The following ARHGAP42 variants were observed in gnomAD, a reference collection of about 807,000 sequenced individuals.
ARHGAP42 encodes the protein Rho GTPase activating protein 42.
ARHGAP42 carries 63 observed loss-of-function variants against 125.0 expected under a neutral mutation model. The observed-to-expected ratio is 0.50, with a 90% CI of 0.41 to 0.62. The LOEUF is 0.62. Ranked by LOEUF, ARHGAP42 falls within the 20% of genes least tolerant of loss-of-function variation. ARHGAP42 has a pLI of 0.00. For synonymous variants in ARHGAP42, 339 were observed against 351.0 expected, an observed-to-expected ratio of 0.97 and a Z score of 0.38; for missense variants, 766 against 1,024.2, an observed-to-expected ratio of 0.75 and a Z score of 3.44.
chr11:100,819,543 T>A (rs184685549), intron 3 of ARHGAP42, among the ~76,000 whole-genome samples: 45 of 152,274 alleles, frequency 3.0e-4, no homozygotes, highest in Admixed American at 7.9e-4. Context: ...GGTACCATAG[T>A]GATTAAGAGC....
intron 1 of ARHGAP42, among the ~76,000 whole-genome samples, chr11:100,705,977 C>CTTT (rs34731514): frequency 7.6e-4 from 85 of 112,056 alleles, no homozygotes; most frequent in Non-Finnish European, 9.0e-4. Context: ...AGTTAAGTAA[C>CTTT]TTTTTTTTTT....
chr11:100,740,598 T>C (rs1239599164), intron 1 of ARHGAP42, among the ~76,000 whole-genome samples: 1 of 152,150 alleles, frequency 6.6e-6, no homozygotes, highest in Non-Finnish European at 1.5e-5. Context: ...GAGAATGGAA[T>C]GTGTAGAGGA....
At chr11:100,760,565 G>A (rs1248691654) in intron 1 of ARHGAP42, among the ~76,000 whole-genome samples, 2 of 152,034 alleles carry the variant, frequency 1.3e-5, no homozygotes, top group Non-Finnish European at 2.9e-5. Context: ...GCCGGGTGTG[G>A]TGGCGGGCTC....
chr11:100,974,314 C>A, intron 18 of ARHGAP42, 145 bp from the exon 19 acceptor site: 1 of 705,400 alleles, frequency 1.4e-6, no homozygotes, highest in Non-Finnish European at 2.2e-6. Context: ...TGAAAGAATA[C>A]TCCAGATAAA....
At chr11:100,797,950 T>A (rs1277181677) in intron 3 of ARHGAP42, among the ~76,000 whole-genome samples, 2 of 152,216 alleles carry the variant, frequency 1.3e-5, no homozygotes, top group African/African-American at 4.8e-5. Context: ...AGAAGTTGAT[T>A]CCAGCCCTCA....
chr11:100,878,080 T>C (rs892079760), intron 4 of ARHGAP42, among the ~76,000 whole-genome samples: 4 of 151,576 alleles, frequency 2.6e-5, no homozygotes, highest in Non-Finnish European at 4.4e-5. Context: ...AATATGGGAA[T>C]GCCTGGCACA....
intron 4 of ARHGAP42, among the ~76,000 whole-genome samples, chr11:100,898,822 T>G (rs1015934575): frequency 6.6e-6 from 1 of 152,016 alleles, no homozygotes; most frequent in Non-Finnish European, 1.5e-5. Flanking sequence ...TTTTGAAGGG[T>G]TTTTCATGTC....
At chr11:100,938,934 T>C (rs949580449) in intron 8 of ARHGAP42, among the ~76,000 whole-genome samples, 1 of 152,052 alleles carries the variant, frequency 6.6e-6, no homozygotes, top group Admixed American at 6.6e-5. Flanking sequence ...TTTTATTCTG[T>C]AGTTGAAAAT....
At chr11:100,800,690 A>G (rs1213899952) in intron 3 of ARHGAP42, among the ~76,000 whole-genome samples, 1 of 152,212 alleles carries the variant, frequency 6.6e-6, no homozygotes, top group Non-Finnish European at 1.5e-5. Context: ...CAGGGAAGAA[A>G]TTCTGCTTTC....
At chr11:100,927,023 A>G (rs751938872) in intron 6 of ARHGAP42, among the ~76,000 whole-genome samples, 8 of 152,208 alleles carry the variant, frequency 5.3e-5, no homozygotes, top group Non-Finnish European at 1.2e-4. Flanking sequence ...TATATAAGCT[A>G]AAATATAGTG....
intron 6 of ARHGAP42, among the ~76,000 whole-genome samples, chr11:100,929,226 G>T (rs1022280959): frequency 6.6e-6 from 1 of 152,012 alleles, no homozygotes; most frequent in African/African-American, 2.4e-5. Flanking sequence ...TCCCTCGCAG[G>T]CACAGTTCAC....
chr11:100,974,215 G>C (rs146235885), intron 18 of ARHGAP42, among the ~76,000 whole-genome samples: 8 of 152,180 alleles, frequency 5.3e-5, no homozygotes, highest in African/African-American at 1.9e-4. Flanking sequence ...AATATGTCTT[G>C]TTCATATTTG....
At chr11:100,880,147 G>A (rs1049305604) in intron 4 of ARHGAP42, among the ~76,000 whole-genome samples, 1 of 152,106 alleles carries the variant, frequency 6.6e-6, no homozygotes, top group African/African-American at 2.4e-5. Flanking sequence ...GGTGGTGTTT[G>A]GTTACATGAG....
At chr11:100,778,563 G>A (rs1028343473) in intron 2 of ARHGAP42, among the ~76,000 whole-genome samples, 1 of 147,656 alleles carries the variant, frequency 6.8e-6, no homozygotes, top group African/African-American at 2.5e-5. Flanking sequence ...TTGTTTTCCT[G>A]TTTTTTTTTT....
chr11:100,835,385 T>C (rs1414437282), intron 3 of ARHGAP42, among the ~76,000 whole-genome samples: 1 of 152,180 alleles, frequency 6.6e-6, no homozygotes. Flanking sequence ...AAACTTAAAG[T>C]CCTAAGGTGT....
intron 17 of ARHGAP42, among the ~76,000 whole-genome samples, chr11:100,966,321 G>A (rs1425988176): frequency 6.6e-6 from 1 of 152,132 alleles, no homozygotes; most frequent in Non-Finnish European, 1.5e-5. Context: ...AAGCAATAGT[G>A]TGTGTGTACA....
At chr11:100,748,465 G>C (rs1394891242) in intron 1 of ARHGAP42, among the ~76,000 whole-genome samples, 1 of 152,180 alleles carries the variant, frequency 6.6e-6, no homozygotes, top group Admixed American at 6.5e-5. Context: ...AAACCTGCTG[G>C]GTAAGGGAAT....
intron 1 of ARHGAP42, among the ~76,000 whole-genome samples, chr11:100,756,847 T>A (rs1349086761): frequency 6.6e-6 from 1 of 152,226 alleles, no homozygotes; most frequent in Admixed American, 6.5e-5. Context: ...AGTGCATACA[T>A]GTTAATGGCT....
chr11:100,992,912 C>G lies in ARHGAP42; in HGVS notation c.*4111C>G, dbSNP rs983754842. 1 of 527,520 alleles carries G rather than the reference C, an allele frequency of 1.9e-6. No homozygotes were observed. 32.7% of individuals were successfully genotyped at this position (527,520 alleles called of 1,614,324 possible). On this transcript the variant is annotated 3_prime_UTR_variant, in exon 24 of 24. Coordinates refer to ENST00000298815, the MANE Select transcript of ARHGAP42 (RefSeq NM_152432.4). ...CCCATCATTCCTTTTCCCCTTGGCA[C>G]TCATGAGAGAGATGCCAAGTTCAGT...
Sources: gnomAD v4.1 joint callset for allele counts (sites outside exome capture counted in the v4.1 genomes callset) on GRCh38, gnomAD v4.1.1 for gene constraint, MANE v1.5 for transcripts, NCBI Gene and HGNC (gene_info 2026-07-23, HGNC 2026-07-21) for gene names.